Variants in TBX15 observed in about 807,000 individuals in gnomAD.
TBX15 encodes T-box transcription factor TBX15.
A neutral mutation model predicts 53.9 loss-of-function variants in TBX15; 18 were observed. The observed-to-expected ratio is 0.33, with a 90% CI of 0.23 to 0.49. The LOEUF is 0.49. TBX15 is among the 20% of genes least tolerant of loss of function. The probability of loss-of-function intolerance (pLI) is 0.98; values close to 1 mark genes in which losing one functional copy is unlikely to be tolerated. For missense variants in TBX15, 692 were observed against 749.5 expected (o/e 0.92, Z 0.90); for synonymous variants, 295 against 278.0 (o/e 1.06, Z -0.61).
At chr1:118,906,043 A>G (rs1654809779) in intron 6 of TBX15, among the ~76,000 whole-genome samples, 1 of 152,186 alleles carries the variant, frequency 6.6e-6, no homozygotes, top group African/African-American at 2.4e-5. Flanking sequence ...CATCAGTAAA[A>G]TGGGAAATAG....
At chr1:118,893,313 G>GGAAGGAAAGAAA (rs1488071535) in intron 7 of TBX15, among the ~76,000 whole-genome samples, 7 of 90,062 alleles carry the variant, frequency 7.8e-5, no homozygotes, top group East Asian at 3.3e-4. Flanking sequence ...AAGGAAGGAA[G>GGAAGGAAAGAAA]GAAAGAAAGA....
At chr1:118,961,980 AC>A (rs1656893024) in intron 1 of TBX15, among the ~76,000 whole-genome samples, 1 of 152,248 alleles carries the variant, frequency 6.6e-6, no homozygotes, top group South Asian at 2.1e-4. Context: ...TTACTGAAGA[AC>A]TTTTTAAGTT....
intron 1 of TBX15, among the ~76,000 whole-genome samples, chr1:118,965,777 C>T (rs12073056): frequency 0.37 from 55,572 of 152,128 alleles, 11,039 homozygotes; most frequent in Non-Finnish European, 0.44. Flanking sequence ...GACTATTTGA[C>T]AGTCTCCAAC....
At chr1:118,967,946 G>A (rs910000714) in intron 1 of TBX15, among the ~76,000 whole-genome samples, 2 of 152,110 alleles carry the variant, frequency 1.3e-5, no homozygotes, top group Non-Finnish European at 2.9e-5. Flanking sequence ...CTCCTCTCAC[G>A]TTATTTCAAT....
At chr1:118,899,970 T>A (rs1251702785) in intron 6 of TBX15, among the ~76,000 whole-genome samples, 2 of 152,218 alleles carry the variant, frequency 1.3e-5, no homozygotes, top group Non-Finnish European at 1.5e-5. Context: ...CTAACACATA[T>A]GCAAGTGCTG....
intron 5 of TBX15, among the ~76,000 whole-genome samples, chr1:118,918,536 A>C (rs1309303511): frequency 6.6e-6 from 1 of 152,194 alleles, no homozygotes; most frequent in African/African-American, 2.4e-5. Context: ...CGACTAAAAC[A>C]AGTCTGCTAG....
chr1:118,973,197 C>T (rs1657294537), intron 1 of TBX15, among the ~76,000 whole-genome samples: 1 of 152,118 alleles, frequency 6.6e-6, no homozygotes, highest in South Asian at 2.1e-4. Context: ...TACAGTGTGC[C>T]CAGGTCATGT....
chr1:118,893,633 G>GAGAGAAAGAA (rs1654292421), intron 7 of TBX15, among the ~76,000 whole-genome samples: 3 of 146,136 alleles, frequency 2.1e-5, no homozygotes, highest in African/African-American at 8.2e-5. Context: ...GAAAGAAAAA[G>GAGAGAAAGAA]AAAGAAAGAA....
intron 7 of TBX15, among the ~76,000 whole-genome samples, chr1:118,893,317 A>G (rs200844258): frequency 0.021 from 1,339 of 64,892 alleles, 43 homozygotes; most frequent in African/African-American, 0.051. Flanking sequence ...AAGGAAGGAA[A>G]GAAAGAAAGA....
At chr1:118,957,921 G>A (rs961816674) in intron 1 of TBX15, among the ~76,000 whole-genome samples, 28 of 152,166 alleles carry the variant, frequency 1.8e-4, no homozygotes, top group African/African-American at 4.8e-4. Context: ...GAATAGTGCC[G>A]CAATAAACAT....
At chr1:118,908,287 A>G (rs996721218) in intron 6 of TBX15, among the ~76,000 whole-genome samples, 1 of 152,162 alleles carries the variant, frequency 6.6e-6, no homozygotes, top group Admixed American at 6.5e-5. Flanking sequence ...AAAAAATACA[A>G]GAACAGAAAC....
At chr1:118,893,526 G>GAA (rs1310774688) in intron 7 of TBX15, among the ~76,000 whole-genome samples, 1 of 120,602 alleles carries the variant, frequency 8.3e-6, no homozygotes, top group Non-Finnish European at 1.6e-5. Context: ...AAGAAAGAAA[G>GAA]AAGGAAAGAA....
At chr1:118,889,808 A>AC (rs766057280) in intron 7 of TBX15, among the ~76,000 whole-genome samples, 1 of 149,622 alleles carries the variant, frequency 6.7e-6, no homozygotes, top group Non-Finnish European at 1.5e-5. Flanking sequence ...AATTTAAAAA[A>AC]AAAAAATTTA....
intron 7 of TBX15, among the ~76,000 whole-genome samples, chr1:118,898,749 G>A (rs1258543211): frequency 6.6e-6 from 1 of 152,118 alleles, no homozygotes; most frequent in Admixed American, 6.5e-5. Flanking sequence ...TGAATGCTTA[G>A]CAATATTAAT....
At position 118,926,557 on chromosome 1, in the gene TBX15, C is replaced by A; in HGVS notation, c.474G>T (p.Gln158His). Residue 158 changes from glutamine (Q) to histidine (H), a missense_variant, in exon 3 of 8, where the codon CAG (glutamine) becomes CAT (histidine). Gln to His is a conservative substitution (Grantham distance 24). This residue lies in a region of TBX15 where 307 missense variants were observed against 347.5 expected (regional missense o/e 0.88). Coordinates refer to ENST00000369429, the MANE Select transcript of TBX15 (RefSeq NM_001330677.2). ...GCACAATGTCCATTGCTATGTAGTACTGCTGATGTGGATCTAGGCCAGTGA... is the reference window on the plus strand; with the variant it reads ...GCACAATGTCCATTGCTATGTAGTAATGCTGATGTGGATCTAGGCCAGTGA... ...VKITGLDPHQ[Q>H]YYIAMDIVPV... 1 of 1,613,972 alleles carries A rather than the reference C, an allele frequency of 6.2e-7. No homozygotes were observed.
At chr1:118,963,476 A>G (rs769952813) in intron 1 of TBX15, among the ~76,000 whole-genome samples, 3 of 152,240 alleles carry the variant, frequency 2.0e-5, no homozygotes. Context: ...ATCAGAATAC[A>G]TAGCTAAGGC....
At chr1:118,983,153 C>A (rs1657702050) in intron 1 of TBX15, among the ~76,000 whole-genome samples, 1 of 152,180 alleles carries the variant, frequency 6.6e-6, no homozygotes, top group Non-Finnish European at 1.5e-5. Context: ...TCATTACTGG[C>A]TTCTGAAGCG....
rs149352182 is a variant in TBX15, at chr1:118,900,249, T to C, written c.927-1124A>G. ...CAAGGTCACTGGAAGGTGGGTGGTA[T>C]GGCATCCCTTCCTGAAATGGATTAG... is the stretch of plus-strand genomic sequence containing the variant. On this transcript the variant is annotated intron_variant, in intron 6 of 7. Coordinates refer to ENST00000369429, the MANE Select transcript of TBX15 (RefSeq NM_001330677.2). Among the ~76,000 whole-genome samples, 850 of 152,326 alleles carry C rather than the reference T, an allele frequency of 5.6e-3. 12 individuals carry two copies. The highest frequency in any genetic ancestry group is 0.019 in the African/African-American group (802 of 41,578).
chr1:118,969,899 C>A (rs1448477788), intron 1 of TBX15, among the ~76,000 whole-genome samples: 2 of 152,232 alleles, frequency 1.3e-5, no homozygotes, highest in Non-Finnish European at 2.9e-5. Flanking sequence ...TGTTCCCACC[C>A]AAATGTCATG....
Sources: allele counts gnomAD v4.1 joint callset (sites outside exome capture counted in the v4.1 genomes callset), GRCh38; gene constraint gnomAD v4.1.1; regional missense constraint gnomAD v4.1.1; transcripts MANE v1.5; gene names NCBI Gene and HGNC (gene_info 2026-07-23, HGNC 2026-07-21).